Variants in NLRP14 observed in about 807,000 individuals in gnomAD.
NLRP14 encodes NLR family pyrin domain containing 14.
In NLRP14, 105 loss-of-function variants were observed where a neutral mutation model predicts 94.7. The ratio of observed to expected loss-of-function variants is 1.11; its 90% CI spans 0.95 to 1.30. NLRP14 has a LOEUF of 1.30. Ranked by LOEUF, NLRP14 falls within the 50% of genes most tolerant of loss-of-function variation. NLRP14 has a pLI of 0.00. For synonymous variants in NLRP14, 508 were observed against 459.9 expected (o/e 1.10, Z -1.34); for missense variants, 1,362 against 1,254.1 (o/e 1.09, Z -1.30).
chr11:7,060,015 C>A lies in NLRP14; in HGVS notation c.2755C>A (p.Leu919Ile). ...CTGGCTACAAGACAATGGAGTGAAG[C>A]TTCTGTGTGATGTCTTTCGGCATCC... ...SNWLQDNGVK[L>I]LCDVFRHPSC... The change falls in exon 9 of 12, where the codon CTT (leucine) becomes ATT (isoleucine). Residue 919 changes from leucine (L) to isoleucine (I), a missense_variant. Physicochemically the swap from Leu to Ile is conservative, Grantham distance 5. Coordinates refer to ENST00000299481, the MANE Select transcript of NLRP14 (RefSeq NM_176822.4). 6.2e-7 allele frequency: 1 copy of A among 1,612,796 alleles called. No individual in the cohort carries two copies. Among genetic ancestry groups the A allele is most frequent in the Non-Finnish European group, 8.5e-7 (1 of 1,178,998 alleles).
In NLRP14 at chr11:7,043,721, A is replaced by G; in HGVS notation, c.1695A>G (p.Glu565=). The G allele has an allele frequency of 6.2e-7, 1 of 1,614,164 alleles. No individual in the cohort carries two copies. The highest frequency in any genetic ancestry group is 1.3e-5 in the African/African-American group (1 of 75,044). ...KIKSKLLQCM[E]VLGNSDYSPS... The stretch of plus-strand genomic sequence containing the variant: ...AATCAAAGTTACTTCAGTGTATGGA[A>G]GTATTAGGAAACAGTGACTATTCTC... The change falls in exon 4 of 12, where the codon GAA becomes GAG. Residue 565 remains glutamate (E), a synonymous_variant. Coordinates refer to ENST00000299481, the MANE Select transcript of NLRP14 (RefSeq NM_176822.4).
the NLRP14 span, among the ~76,000 whole-genome samples, chr11:7,083,257 A>G: frequency 5.9e-5 from 9 of 152,198 alleles, no homozygotes; most frequent in Non-Finnish European, 1.3e-4. Context: ...ATGCTTTTAT[A>G]TTCTCCCATT....
chr11:7,061,780 C>A (rs7102463), intron 9 of NLRP14, among the ~76,000 whole-genome samples: 142,867 of 152,012 alleles, frequency 0.94, 67,797 homozygotes, highest in East Asian at 1. Flanking sequence ...ATAGAAGAGA[C>A]GCAACAACAA....
intron 10 of NLRP14, among the ~76,000 whole-genome samples, chr11:7,064,187 G>C (rs1054950649): frequency 5.3e-5 from 8 of 152,134 alleles, no homozygotes; most frequent in African/African-American, 1.9e-4. Context: ...TTGCAGATTT[G>C]TATCGAATTG....
intron 11 of NLRP14, 60 bp downstream of exon 11, chr11:7,070,516 A>G (rs1852778311): frequency 1.7e-6 from 2 of 1,158,422 alleles, no homozygotes; most frequent in Non-Finnish European, 1.3e-6. Context: ...TTGGGGAGCC[A>G]CTCATTAATA....
rs376550032 is a variant in NLRP14, at chr11:7,066,068, A to G, written c.2975+3565A>G. Among the ~76,000 whole-genome samples, 18 of 152,270 alleles carry G rather than the reference A, an allele frequency of 1.2e-4. No homozygotes were observed. The East Asian group carries it at 2.9e-3, about 24-fold the overall frequency. Reference sequence around the variant, plus strand: ...CTTTTTTATGGCTGCATAGTATTCCATGGTGTATATGTGCCACATTTTCTT... The same window carrying G: ...CTTTTTTATGGCTGCATAGTATTCCGTGGTGTATATGTGCCACATTTTCTT... On this transcript the variant is annotated intron_variant, in intron 10 of 11. Coordinates refer to ENST00000299481, the MANE Select transcript of NLRP14 (RefSeq NM_176822.4).
At chr11:7,082,774 G>T in the NLRP14 span, among the ~76,000 whole-genome samples, 2 of 152,150 alleles carry the variant, frequency 1.3e-5, no homozygotes, top group Non-Finnish European at 2.9e-5. Context: ...AATCTAGCAA[G>T]TACCTCTCCA....
At chr11:7,023,223 T>C (rs936035172) in intron 1 of NLRP14, among the ~76,000 whole-genome samples, 2 of 150,270 alleles carry the variant, frequency 1.3e-5, no homozygotes, top group Non-Finnish European at 3.0e-5. Flanking sequence ...AACCATTTTA[T>C]ATACACATAT....
the NLRP14 span, among the ~76,000 whole-genome samples, chr11:7,088,597 TA>T: frequency 1.3e-5 from 2 of 152,270 alleles, no homozygotes; most frequent in South Asian, 4.1e-4. Flanking sequence ...CTGATTAGTT[TA>T]AAAAGATCAG....
At chr11:7,029,201 T>G (rs1337590132) in intron 1 of NLRP14, among the ~76,000 whole-genome samples, 1 of 152,208 alleles carries the variant, frequency 6.6e-6, no homozygotes, top group Non-Finnish European at 1.5e-5. Flanking sequence ...ATTTTACCTT[T>G]ATGCTTGTGG....
chr11:7,036,102 CATT>C (rs748144121), intron 1 of NLRP14, among the ~76,000 whole-genome samples: 45 of 152,126 alleles, frequency 3.0e-4, no homozygotes, highest in Non-Finnish European at 5.3e-4. Context: ...CAAATATAGT[CATT>C]ATTAATATGA....
chr11:7,066,081 G>A lies in NLRP14; in HGVS notation c.2975+3578G>A, dbSNP rs193027213. Among the ~76,000 whole-genome samples the A allele has an allele frequency of 5.1e-3, 780 of 152,240 alleles. 1 individual carries two copies. The highest frequency in any genetic ancestry group is 8.3e-3 in the Non-Finnish European group (563 of 68,012). On this transcript the variant is annotated intron_variant, in intron 10 of 11. Coordinates refer to ENST00000299481, the MANE Select transcript of NLRP14 (RefSeq NM_176822.4). Reference sequence around the variant, plus strand: ...GCATAGTATTCCATGGTGTATATGTGCCACATTTTCTTTATCCAGTCTATC... The same window carrying A: ...GCATAGTATTCCATGGTGTATATGTACCACATTTTCTTTATCCAGTCTATC...
At chr11:7,073,863 A>G (rs781254485), downstream of NLRP14, among the ~76,000 whole-genome samples, 5 of 152,182 alleles carry the variant, frequency 3.3e-5, no homozygotes, top group Non-Finnish European at 5.9e-5. Context: ...TCTGAATCCC[A>G]TCTTTTTGTG....
the NLRP14 span, among the ~76,000 whole-genome samples, chr11:7,085,484 C>G: frequency 6.6e-6 from 1 of 152,128 alleles, no homozygotes; most frequent in African/African-American, 2.4e-5. Flanking sequence ...CAGTATTAGT[C>G]TTTTTGTGAC....
chr11:7,089,247 C>T, the NLRP14 span: 6 of 1,612,320 alleles, frequency 3.7e-6, no homozygotes, highest in South Asian at 2.2e-5. Context: ...GATGAAAGAC[C>T]GAGAAACCAA....
chr11:7,079,930 T>C, the NLRP14 span, among the ~76,000 whole-genome samples: 1 of 152,024 alleles, frequency 6.6e-6, no homozygotes, highest in African/African-American at 2.4e-5. Context: ...TCAGTGTCAG[T>C]GGGAGAAGCC....
intron 1 of NLRP14, among the ~76,000 whole-genome samples, chr11:7,032,229 GT>G (rs971348969): frequency 1.2e-4 from 18 of 151,792 alleles, no homozygotes; most frequent in Non-Finnish European, 2.1e-4. Context: ...GTACATTTTG[GT>G]TTTTTTTATG....
rs761336379 is a variant in NLRP14, at chr11:7,043,674, T to A, written c.1648T>A (p.Cys550Ser). The A allele has an allele frequency of 6.2e-7, 1 of 1,613,998 alleles. No homozygotes were observed. Among genetic ancestry groups the A allele is most frequent in the Non-Finnish European group, 8.5e-7 (1 of 1,179,864 alleles). Residue 550 changes from cysteine (C) to serine (S), a missense_variant, in exon 4 of 12, where the codon TGT (cysteine) becomes AGT (serine). By Grantham distance (112) the Cys-to-Ser change is moderately radical. Coordinates refer to ENST00000299481, the MANE Select transcript of NLRP14 (RefSeq NM_176822.4). ...RVKQLERTFNCKMSLKIKSKL... is the reference protein window; with the variant it reads ...RVKQLERTFNSKMSLKIKSKL... ...AAAACAACTGGAGAGGACTTTTAAC[T>A]GTAAAATGTCACTGAAGATAAAATC...
In NLRP14 at chr11:7,058,458, T is replaced by G; in HGVS notation, c.2633+8T>G. Reference sequence around the variant, plus strand: ...TACTCTGAAGAGCCTTGTGTAAGTGTCTTCAAGTTTTTATCCTTAATATAT... The same window carrying G: ...TACTCTGAAGAGCCTTGTGTAAGTGGCTTCAAGTTTTTATCCTTAATATAT... On this transcript the variant is annotated splice_region_variant and intron_variant, in intron 8 of 11. Coordinates refer to ENST00000299481, the MANE Select transcript of NLRP14 (RefSeq NM_176822.4). The G allele has an allele frequency of 6.2e-7, 1 of 1,600,896 alleles. No homozygotes were observed. The highest frequency in any genetic ancestry group is 1.3e-5 in the African/African-American group (1 of 74,738).
Sources: gnomAD v4.1 joint callset for allele counts (sites outside exome capture counted in the v4.1 genomes callset) on GRCh38, gnomAD v4.1.1 for gene constraint, MANE v1.5 for transcripts, NCBI Gene and HGNC (gene_info 2026-07-23, HGNC 2026-07-21) for gene names.